Variants in CUL9 observed in about 807,000 individuals in gnomAD.
CUL9 encodes cullin-9.
CUL9 carries 79 observed loss-of-function variants against 272.6 expected under a neutral mutation model. The ratio of observed to expected loss-of-function variants is 0.29; its 90% CI spans 0.24 to 0.35. The LOEUF (loss-of-function observed/expected upper bound fraction) is 0.35, where lower values mean the gene tolerates loss of function less well. Among genes scored for constraint, CUL9 ranks in the 10% least tolerant of loss-of-function variants. The probability of loss-of-function intolerance (pLI) is 1.00; values close to 1 mark genes in which losing one functional copy is unlikely to be tolerated. For missense variants in CUL9, 2,532 were observed against 3,255.6 expected, an observed-to-expected ratio of 0.78 and a Z score of 5.41; for synonymous variants, 1,186 against 1,286.5, an observed-to-expected ratio of 0.92 and a Z score of 1.67.
At position 43,184,514 on chromosome 6, in the gene CUL9, G is replaced by C. The variant is rs138158499; in HGVS notation, c.204G>C (p.Ser68=). ...CAGAGCACATCCTCATGTGGCTGTCGGCTCCTGAGGTCTACGCCAACTGCC... is the reference window on the plus strand; with the variant it reads ...CAGAGCACATCCTCATGTGGCTGTCCGCTCCTGAGGTCTACGCCAACTGCC... ...GKAEHILMWL[S]APEVYANCPG... is the part of the protein sequence containing the mutation. The change falls in exon 2 of 41, where the codon TCG becomes TCC. Residue 68 remains serine (S), a synonymous_variant. Coordinates refer to ENST00000252050, the MANE Select transcript of CUL9 (RefSeq NM_015089.4). The surrounding 1 kb of genome is among the most constrained non-coding windows in gnomAD (Gnocchi z 4.8). The C allele has an allele frequency of 1.9e-4, 302 of 1,612,350 alleles. No homozygotes were observed. Among genetic ancestry groups the C allele is most frequent in the Non-Finnish European group, 2.5e-4 (292 of 1,178,834 alleles).
intron 8 of CUL9, among the ~76,000 whole-genome samples, chr6:43,191,732 G>C (rs1262268473): frequency 3.3e-5 from 5 of 151,544 alleles, no homozygotes; most frequent in Non-Finnish European, 5.9e-5. Flanking sequence ...TTACAGGCCT[G>C]CACCACCACG....
chr6:43,187,615 G>C, intron 6 of CUL9, 98 bp from the exon 7 acceptor site: 1 of 1,399,652 alleles, frequency 7.1e-7, no homozygotes, highest in Middle Eastern at 2.6e-4. Flanking sequence ...TATGTAGAAG[G>C]TGTGGGGGCA....
chr6:43,214,807 A>G (rs1465821773), intron 29 of CUL9, among the ~76,000 whole-genome samples: 2 of 152,060 alleles, frequency 1.3e-5, no homozygotes, highest in African/African-American at 2.4e-5. Flanking sequence ...AAAAAAAAAA[A>G]AGAGAGAAAC....
chr6:43,182,723 T>C (rs1772519550), intron 1 of CUL9, among the ~76,000 whole-genome samples: 1 of 151,976 alleles, frequency 6.6e-6, no homozygotes, highest in Non-Finnish European at 1.5e-5. Flanking sequence ...CTCCCTCCTC[T>C]TCACCTCTAC....
In CUL9 at chr6:43,199,407, G is replaced by A. The variant is rs1231875486; in HGVS notation, c.3156+36G>A. On this transcript the variant is annotated intron_variant, in intron 13 of 40. Coordinates refer to ENST00000252050, the MANE Select transcript of CUL9 (RefSeq NM_015089.4). The surrounding 1 kb of genome is among the most constrained non-coding windows in gnomAD (Gnocchi z 4.4). ...CCTGGCAAGGAGAAGAGAGGGAAGG[G>A]CAGCATCTGGGGCACCAACTCCTTG... The A allele has an allele frequency of 6.5e-7, 1 of 1,534,490 alleles. No individual in the cohort carries two copies. The highest frequency in any genetic ancestry group is 1.1e-5 in the South Asian group (1 of 89,492).
At chr6:43,191,037 T>C (rs556362973) in intron 8 of CUL9, among the ~76,000 whole-genome samples, 2 of 152,312 alleles carry the variant, frequency 1.3e-5, no homozygotes, top group Non-Finnish European at 2.9e-5. Context: ...ATTTTTCAGC[T>C]TTTTTATGGC....
chr6:43,223,471 C>T lies in CUL9; in HGVS notation c.7284+74C>T. The T allele has an allele frequency of 6.6e-7, 1 of 1,509,634 alleles. No homozygotes were observed. The allele number at this position is 1,509,634 out of a possible 1,614,324, so 93.5% of individuals were successfully genotyped here. A position where few individuals can be genotyped will look rare whatever the true frequency, so the allele number is the denominator to read the frequency against. On this transcript the variant is annotated intron_variant, in intron 39 of 40. Transcript: ENST00000252050. The surrounding 1 kb of genome is among the most constrained non-coding windows in gnomAD (Gnocchi z 4.1). ...AGGTCCTCCTGTCCCAGCACAGCCC[C>T]TGCCCTGGGGCGAGTCCAGAAGGAA...
In CUL9 at chr6:43,221,761, T is replaced by C; in HGVS notation, c.6829T>C (p.Tyr2277His). 6.2e-7 allele frequency: 1 copy of C among 1,612,810 alleles called. No individual in the cohort carries two copies. Among genetic ancestry groups the C allele is most frequent in the Non-Finnish European group, 8.5e-7 (1 of 1,179,970 alleles). ...KSWKPNHKDY[Y>H]NCSAMVSKAA... is the part of the protein sequence containing the mutation. ...CTGGAAGCCAAATCACAAAGACTATTACAACTGCTCTGCCATGGTAAGGCG... is the reference window on the plus strand; with the variant it reads ...CTGGAAGCCAAATCACAAAGACTATCACAACTGCTCTGCCATGGTAAGGCG... The change falls in exon 35 of 41, where the codon TAC (tyrosine) becomes CAC (histidine). Residue 2277 changes from tyrosine to histidine, a missense_variant. Transcript: ENST00000252050. The surrounding 1 kb of genome is among the most constrained non-coding windows in gnomAD (Gnocchi z 4.2).
At chr6:43,186,535 C>G in intron 4 of CUL9, 80 bp downstream of exon 4, 1 of 1,507,486 alleles carries the variant, frequency 6.6e-7, no homozygotes, top group Non-Finnish European at 8.9e-7. Flanking sequence ...AGGAGGACTC[C>G]TGCAGGCCAC....
intron 9 of CUL9, among the ~76,000 whole-genome samples, chr6:43,194,274 TTCTTTTCTCTTC>T: frequency 6.6e-6 from 1 of 152,140 alleles, no homozygotes; most frequent in South Asian, 2.1e-4. Context: ...GGAGGCGCTT[TTCTTTTCTCTTC>T]TCTTTTCTCT....
Position 43,221,783 on chromosome 6 carries a change from G to T in CUL9, c.6846+5G>T. The T allele has an allele frequency of 6.2e-7, 1 of 1,610,608 alleles. No individual in the cohort carries two copies. The highest frequency in any genetic ancestry group is 8.5e-7 in the Non-Finnish European group (1 of 1,179,778). Reference sequence around the variant, plus strand: ...TATTACAACTGCTCTGCCATGGTAAGGCGCTGGGCACTAGGGGAGGGCAGA... The same window carrying T: ...TATTACAACTGCTCTGCCATGGTAATGCGCTGGGCACTAGGGGAGGGCAGA... On this transcript the variant is annotated splice_donor_5th_base_variant and intron_variant, in intron 35 of 40. Coordinates refer to ENST00000252050, the MANE Select transcript of CUL9 (RefSeq NM_015089.4). The surrounding 1 kb of genome is among the most constrained non-coding windows in gnomAD (Gnocchi z 4.2).
Position 43,206,205 on chromosome 6 carries a change from TGAG to T in CUL9, c.4998_5000del (p.Glu1667del). 6.2e-7 allele frequency: 1 copy of T among 1,611,540 alleles called. No homozygotes were observed. The highest frequency in any genetic ancestry group is 1.7e-5 in the Admixed American group (1 of 59,458). On this transcript the variant is annotated inframe_deletion, in exon 25 of 41. Coordinates refer to ENST00000252050, the MANE Select transcript of CUL9 (RefSeq NM_015089.4). The surrounding 1 kb of genome is among the most constrained non-coding windows in gnomAD (Gnocchi z 4.8). ...ACAAGTTGTTCTTGGAGCAGGAAGA[TGAG>T]GAGGAAAAGAGACTAGAGGAAGAGG...
At chr6:43,215,523 T>C (rs1318083278) in intron 30 of CUL9, among the ~76,000 whole-genome samples, 197 bp downstream of exon 30, 1 of 152,176 alleles carries the variant, frequency 6.6e-6, no homozygotes, top group Non-Finnish European at 1.5e-5. Flanking sequence ...CCTGCAAATA[T>C]GTATTGAGTG....
rs1772735958 is a variant in CUL9 at position 43,184,505 on chromosome 6, G to A, written c.195G>A (p.Met65Ile). The change falls in exon 2 of 41, where the codon ATG becomes ATA. Residue 65 changes from methionine (M) to isoleucine (I), a missense_variant. This residue lies in a region of CUL9 where 2,218 missense variants were observed against 2,788.6 expected (regional missense o/e 0.80). Coordinates refer to ENST00000252050, the MANE Select transcript of CUL9 (RefSeq NM_015089.4). This position sits in a 1 kb window ranked among gnomAD's most constrained non-coding sequence, Gnocchi z 4.8. ...AAGGCAAAGCAGAGCACATCCTCAT[G>A]TGGCTGTCGGCTCCTGAGGTCTACG... ...VEEGKAEHIL[M>I]WLSAPEVYAN... The A allele has an allele frequency of 3.7e-6, 6 of 1,612,904 alleles. No individual in the cohort carries two copies. The highest frequency in any genetic ancestry group is 4.2e-6 in the Non-Finnish European group (5 of 1,179,142).
Position 43,200,792 on chromosome 6 carries a change from C to G in CUL9, c.3605C>G (p.Ser1202Cys). The G allele has an allele frequency of 6.2e-7, 1 of 1,614,204 alleles. No individual in the cohort carries two copies. The highest frequency in any genetic ancestry group is 1.1e-5 in the South Asian group (1 of 91,082). Residue 1202 changes from serine (S) to cysteine (C), a missense_variant, in exon 16 of 41, where the codon TCC (serine) becomes TGC (cysteine). Ser to Cys is a moderately radical substitution (Grantham distance 112). Around this residue, in one of 3 missense-constraint regions of CUL9, gnomAD observed 2,218 missense variants for 2,788.6 expected, o/e 0.80. Coordinates refer to ENST00000252050, the MANE Select transcript of CUL9 (RefSeq NM_015089.4). This position sits in a 1 kb window ranked among gnomAD's most constrained non-coding sequence, Gnocchi z 4.0. The stretch of plus-strand genomic sequence containing the variant: ...TGGGAGTCCAACGGCAGCACCGGCT[C>G]CCACTACATCACCCTGCACATGCAC... ...TYWESNGSTG[S>C]HYITLHMHRG... is the part of the protein sequence containing the mutation.
At chr6:43,195,932 C>G in intron 9 of CUL9, 137 bp from the exon 10 acceptor site, 1 of 631,994 alleles carries the variant, frequency 1.6e-6, no homozygotes. Context: ...CCATCACTAC[C>G]TCTTCCATTT....
Position 43,220,482 on chromosome 6 carries a change from A to C in CUL9, c.6306A>C (p.Thr2102=). 5 of 1,614,122 alleles carry C rather than the reference A, an allele frequency of 3.1e-6. No individual in the cohort carries two copies. Among genetic ancestry groups the C allele is most frequent in the Non-Finnish European group, 3.4e-6 (4 of 1,180,006 alleles). Residue 2102 remains threonine, a synonymous_variant, in exon 32 of 41, where the codon ACA becomes ACC. Transcript: ENST00000252050. The surrounding 1 kb of genome is among the most constrained non-coding windows in gnomAD (Gnocchi z 4.9). Reference sequence around the variant, plus strand: ...AGTCTTGCTGGAATGAGTACCTGACAACTCGGATCGAGCAGAACCTTGTTT... The same window carrying C: ...AGTCTTGCTGGAATGAGTACCTGACCACTCGGATCGAGCAGAACCTTGTTT... ...CCKSCWNEYL[T]TRIEQNLVLN...
chr6:43,184,353 G>C lies in CUL9; in HGVS notation c.43G>C (p.Gly15Arg). The stretch of plus-strand genomic sequence containing the variant: ...TGCTGGGGACCTCATGGTGCCCTTA[G>C]GGCCTCGGCTGCAGGCATATCCTGA... ...RHAGDLMVPL[G>R]PRLQAYPEEL... Residue 15 changes from glycine to arginine, a missense_variant, in exon 2 of 41, where the codon GGG (glycine) becomes CGG (arginine). Transcript: ENST00000252050. This position sits in a 1 kb window ranked among gnomAD's most constrained non-coding sequence, Gnocchi z 4.8. The C allele has an allele frequency of 6.3e-7, 1 of 1,582,524 alleles. No individual in the cohort carries two copies. The highest frequency in any genetic ancestry group is 8.6e-7 in the Non-Finnish European group (1 of 1,160,614).
Position 43,222,066 on chromosome 6 carries a change from G to A in CUL9, c.6847-250G>A, listed in dbSNP as rs1039190508. The stretch of plus-strand genomic sequence containing the variant: ...AGCAGGGCAGAGCAGGAAAGAGCAG[G>A]GACCCTGCATTTAGAGCCTGGCTCT... On this transcript the variant is annotated intron_variant, in intron 35 of 40. Coordinates refer to ENST00000252050, the MANE Select transcript of CUL9 (RefSeq NM_015089.4). The A allele has an allele frequency of 2.5e-5, 15 of 598,898 alleles. 1 individual carries two copies. In the Middle Eastern group the frequency reaches 4.0e-3, roughly 158 times the overall value. 37.1% of individuals were successfully genotyped at this position (598,898 alleles called of 1,614,324 possible). A position where few individuals can be genotyped will look rare whatever the true frequency, so the allele number is the denominator to read the frequency against.
Sources: gnomAD v4.1 joint callset for allele counts (sites outside exome capture counted in the v4.1 genomes callset) on GRCh38, gnomAD v4.1.1 for gene constraint, gnomAD v4.1.1 regional missense constraint, Gnocchi (gnomAD v3.1) non-coding constraint, MANE v1.5 for transcripts, NCBI Gene and HGNC (gene_info 2026-07-23, HGNC 2026-07-21) for gene names.